CEP112: variants seen among roughly 807,000 people sequenced by gnomAD.
CEP112 encodes centrosomal protein 112.
In CEP112, 127 loss-of-function variants were observed where a neutral mutation model predicts 153.0. The ratio of observed to expected loss-of-function variants is 0.83; its 90% confidence interval spans 0.72 to 0.96. The LOEUF (loss-of-function observed/expected upper bound fraction) is 0.96, where lower values mean the gene tolerates loss of function less well. Ranked by LOEUF, CEP112 falls within the 40% of genes least tolerant of loss-of-function variation. The pLI is 0.00. For synonymous variants in CEP112, 358 were observed against 374.4 expected, an observed-to-expected ratio of 0.96 and a Z score of 0.51; for missense variants, 1,089 against 1,101.2, an observed-to-expected ratio of 0.99 and a Z score of 0.16.
intron 4 of CEP112, among the ~76,000 whole-genome samples, chr17:66,133,277 G>C (rs1008977746): frequency 6.6e-6 from 1 of 152,046 alleles, no homozygotes; most frequent in Non-Finnish European, 1.5e-5. Flanking sequence ...TGTAAAAAGA[G>C]AGAAAATGAA....
intron 20 of CEP112, among the ~76,000 whole-genome samples, chr17:65,864,545 A>G (rs778657261): frequency 1.2e-4 from 18 of 152,214 alleles, no homozygotes; most frequent in Admixed American, 5.2e-4. Flanking sequence ...AGTTAGTGAT[A>G]CAGTATGGAA....
chr17:65,726,028 T>C (rs983222706), intron 23 of CEP112, among the ~76,000 whole-genome samples: 4 of 152,102 alleles, frequency 2.6e-5, no homozygotes, highest in African/African-American at 7.2e-5. Flanking sequence ...GTGGGTGTTA[T>C]GAAGAAACGA....
intron 6 of CEP112, among the ~76,000 whole-genome samples, chr17:66,120,375 A>G (rs2069515957): frequency 6.6e-6 from 1 of 151,938 alleles, no homozygotes; most frequent in African/African-American, 2.4e-5. Context: ...TAATTTTTGT[A>G]TTTTTAGTAG....
intron 16 of CEP112, among the ~76,000 whole-genome samples, chr17:66,025,954 TAG>T (rs2065188592): frequency 4.1e-4 from 6 of 14,784 alleles, no homozygotes; most frequent in Non-Finnish European, 1.3e-3. Flanking sequence ...CACACATATA[TAG>T]ATATATATAG....
intron 21 of CEP112, among the ~76,000 whole-genome samples, chr17:65,805,884 A>C (rs756544876): frequency 6.6e-6 from 1 of 152,178 alleles, no homozygotes; most frequent in Non-Finnish European, 1.5e-5. Flanking sequence ...TCTCTTTATC[A>C]CTTTAGTTTT....
intron 23 of CEP112, among the ~76,000 whole-genome samples, chr17:65,726,168 G>A (rs954175042): frequency 2.0e-5 from 3 of 151,804 alleles, no homozygotes; most frequent in East Asian, 1.9e-4. Flanking sequence ...GTGAAACCCC[G>A]TCTCTACTAA....
chr17:65,859,446 AAAAAAAAAAG>A lies in CEP112; in HGVS notation c.2164-7422_2164-7413del. Among the ~76,000 whole-genome samples the A allele has an allele frequency of 2.0e-5, 3 of 151,440 alleles. No individual in the cohort carries two copies. The South Asian group carries it at 6.2e-4, about 31-fold the overall frequency. ...CAGGGTGAGACTCCATCTCAAAAAA[AAAAAAAAAAG>A]AAAAGAAAAGAAAAGAAAAAACATT... is the stretch of plus-strand genomic sequence containing the variant. On this transcript the variant is annotated intron_variant, in intron 20 of 26. Transcript: ENST00000535342.
chr17:65,652,362 A>G (rs1212650583), intron 24 of CEP112, among the ~76,000 whole-genome samples: 1 of 152,166 alleles, frequency 6.6e-6, no homozygotes, highest in African/African-American at 2.4e-5. Flanking sequence ...ATAACTTTTC[A>G]AGGCCACCGT....
chr17:65,988,486 A>G (rs530324402), intron 17 of CEP112, among the ~76,000 whole-genome samples: 16 of 152,364 alleles, frequency 1.1e-4, no homozygotes, highest in Admixed American at 3.9e-4. Flanking sequence ...CAAGAATTCA[A>G]TATAGCATTT....
intron 23 of CEP112, among the ~76,000 whole-genome samples, chr17:65,695,370 C>T (rs2048305054): frequency 6.6e-6 from 1 of 152,124 alleles, no homozygotes; most frequent in Admixed American, 6.5e-5. Flanking sequence ...TGTGACAGTA[C>T]AGGGCTTTTC....
intron 22 of CEP112, 56 bp from the exon 23 acceptor site, chr17:65,743,273 T>G: frequency 1.5e-6 from 2 of 1,369,484 alleles, no homozygotes; most frequent in Non-Finnish European, 2.0e-6. Flanking sequence ...GGCATCTATT[T>G]TATATGTATT....
At chr17:66,077,552 G>A (rs145323679) in intron 8 of CEP112, among the ~76,000 whole-genome samples, 1 of 152,296 alleles carries the variant, frequency 6.6e-6, no homozygotes, top group Non-Finnish European at 1.5e-5. Context: ...GCTCCAAGAA[G>A]CCTGGGATTA....
At chr17:65,957,698 TC>T (rs1555730485) in intron 18 of CEP112, among the ~76,000 whole-genome samples, 1 of 152,136 alleles carries the variant, frequency 6.6e-6, no homozygotes, top group Non-Finnish European at 1.5e-5. Flanking sequence ...ATATACTCTA[TC>T]TTATTTTGGA....
chr17:66,079,158 T>C (rs1347904141), intron 8 of CEP112, among the ~76,000 whole-genome samples: 2 of 152,114 alleles, frequency 1.3e-5, no homozygotes, highest in East Asian at 3.9e-4. Context: ...AAAGGAATGC[T>C]GCGGGGCACA....
chr17:65,956,839 T>A (rs2062020311), intron 18 of CEP112, among the ~76,000 whole-genome samples: 4 of 152,176 alleles, frequency 2.6e-5, no homozygotes, highest in Admixed American at 2.0e-4. Flanking sequence ...CTTGATCAGC[T>A]ATTCCACTCC....
At chr17:65,800,242 A>G (rs556455985) in intron 21 of CEP112, among the ~76,000 whole-genome samples, 2 of 151,792 alleles carry the variant, frequency 1.3e-5, no homozygotes, top group South Asian at 4.2e-4. Flanking sequence ...TTTTTTCACT[A>G]CCCAAAAAGG....
At chr17:65,676,714 C>T (rs1376007487) in intron 24 of CEP112, among the ~76,000 whole-genome samples, 2 of 152,180 alleles carry the variant, frequency 1.3e-5, no homozygotes, top group African/African-American at 4.8e-5. Flanking sequence ...TCACGCTGAG[C>T]TTCATTCAGT....
At chr17:65,720,517 G>C (rs1445105418) in intron 23 of CEP112, among the ~76,000 whole-genome samples, 1 of 152,172 alleles carries the variant, frequency 6.6e-6, no homozygotes, top group Non-Finnish European at 1.5e-5. Flanking sequence ...ATACTTCAGG[G>C]GAGTCAAGCT....
At chr17:65,822,566 C>T (rs548187761) in intron 21 of CEP112, among the ~76,000 whole-genome samples, 6 of 152,136 alleles carry the variant, frequency 3.9e-5, no homozygotes, top group Admixed American at 2.6e-4. Context: ...TTTTGATCCA[C>T]GGTTGGTTGA....
Sources: allele counts gnomAD v4.1 joint callset (sites outside exome capture counted in the v4.1 genomes callset), GRCh38; gene constraint gnomAD v4.1.1; transcripts MANE v1.5; gene names NCBI Gene and HGNC (gene_info 2026-07-23, HGNC 2026-07-21).